Variants in TRAPPC9 observed in about 807,000 individuals in gnomAD.
TRAPPC9 encodes trafficking protein particle complex subunit 9.
In TRAPPC9, 83 loss-of-function variants were observed where a neutral mutation model predicts 124.0. The ratio of observed to expected loss-of-function variants is 0.67; its 90% CI spans 0.56 to 0.80. The LOEUF (loss-of-function observed/expected upper bound fraction) is 0.80, where lower values mean the gene tolerates loss of function less well. TRAPPC9 is among the 30% of genes least tolerant of loss of function. TRAPPC9 has a pLI of 0.00. For synonymous variants in TRAPPC9, 638 were observed against 617.5 expected (o/e 1.03, Z -0.49); for missense variants, 1,302 against 1,508.3 (o/e 0.86, Z 2.27).
chr8:140,239,613 G>A (rs2063812415), intron 16 of TRAPPC9, among the ~76,000 whole-genome samples: 1 of 152,166 alleles, frequency 6.6e-6, no homozygotes, highest in Admixed American at 6.5e-5. Flanking sequence ...GGCCGTGGAG[G>A]GGATGCGTGG....
rs1485022733 is a variant in TRAPPC9, at chr8:139,729,632, A to G, written c.*1429T>C. On this transcript the variant is annotated 3_prime_UTR_variant, in exon 23 of 23. Transcript: ENST00000438773. ...ACAACAGGAGGCCACAGATGGAACA[A>G]AAAATTTGTTCCTTAGGCCGGAGGC... Among the ~76,000 whole-genome samples, 4 of 152,184 alleles carry G rather than the reference A, an allele frequency of 2.6e-5. No homozygotes were observed. Among genetic ancestry groups the G allele is most frequent in the African/African-American group, 9.7e-5 (4 of 41,436 alleles).
chr8:140,094,724 G>A (rs748262249), intron 17 of TRAPPC9, among the ~76,000 whole-genome samples: 12 of 152,272 alleles, frequency 7.9e-5, no homozygotes, highest in African/African-American at 1.9e-4. Flanking sequence ...CATCTATGCC[G>A]CAACAGAGGC....
At position 140,300,561 on chromosome 8, in the gene TRAPPC9, C is replaced by A; in HGVS notation, c.1676G>T (p.Ser559Ile). 1 of 1,614,224 alleles carries A rather than the reference C, an allele frequency of 6.2e-7. No homozygotes were observed. Among genetic ancestry groups the A allele is most frequent in the East Asian group, 2.2e-5 (1 of 44,882 alleles). Residue 559 changes from serine (S) to isoleucine (I), a missense_variant, in exon 11 of 23, where the codon AGC (serine) becomes ATC (isoleucine). This residue lies in a region of TRAPPC9 where 657 missense variants were observed against 811.2 expected (regional missense o/e 0.81). Coordinates refer to ENST00000438773, the MANE Select transcript of TRAPPC9 (RefSeq NM_001160372.4). Reference protein sequence around the residue: ...PASLRPHKMKSLLGQNVSTKS... With the variant: ...PASLRPHKMKILLGQNVSTKS... ...GGTTGACACGTTCTGACCCAGCAAGCTTTTCATTTTGTGTGGCCGGAGGCT... is the reference window on the plus strand; with the variant it reads ...GGTTGACACGTTCTGACCCAGCAAGATTTTCATTTTGTGTGGCCGGAGGCT...
intron 9 of TRAPPC9, among the ~76,000 whole-genome samples, chr8:140,317,613 T>C (rs2066474809): frequency 6.6e-6 from 1 of 152,190 alleles, no homozygotes; most frequent in African/African-American, 2.4e-5. Context: ...AGTGATAAGA[T>C]TATAAGTGAT....
In TRAPPC9 at chr8:140,170,332, T is replaced by C. The variant is rs150337736; in HGVS notation, c.2556+51127A>G. On this transcript the variant is annotated intron_variant, in intron 17 of 22. Transcript: ENST00000438773. Reference sequence around the variant, plus strand: ...AGGAGACAGTATCATGTCTGTTCTCTAGATTAAGAAACTAAGTTCACAGAA... The same window carrying C: ...AGGAGACAGTATCATGTCTGTTCTCCAGATTAAGAAACTAAGTTCACAGAA... Among the ~76,000 whole-genome samples the C allele has an allele frequency of 3.6e-3, 546 of 152,294 alleles. 5 individuals are homozygous for C. The highest frequency in any genetic ancestry group is 6.6e-3 in the Non-Finnish European group (447 of 68,020).
chr8:139,850,349 G>A (rs1291255985), intron 21 of TRAPPC9, among the ~76,000 whole-genome samples: 3 of 152,170 alleles, frequency 2.0e-5, no homozygotes, highest in African/African-American at 7.2e-5. Context: ...TAGAACCCAG[G>A]GCTCCTGACT....
intron 2 of TRAPPC9, among the ~76,000 whole-genome samples, chr8:140,444,035 C>CAA (rs35121401): frequency 0.069 from 2,818 of 40,932 alleles, 157 homozygotes; most frequent in Non-Finnish European, 0.079. Context: ...GACTCCATCT[C>CAA]AAAAAAAAAA....
intron 9 of TRAPPC9, among the ~76,000 whole-genome samples, chr8:140,348,431 G>A (rs2067414538): frequency 6.6e-6 from 1 of 152,160 alleles, no homozygotes; most frequent in South Asian, 2.1e-4. Flanking sequence ...TCAATTAGCA[G>A]CCCTGCTGCT....
chr8:140,426,537 T>C, intron 5 of TRAPPC9, 78 bp downstream of exon 5: 1 of 1,358,160 alleles, frequency 7.4e-7, no homozygotes, highest in South Asian at 1.2e-5. Context: ...TCCAGAAATT[T>C]TAACCATTCA....
At chr8:140,390,804 A>G (rs1487641654) in intron 7 of TRAPPC9, among the ~76,000 whole-genome samples, 2 of 152,186 alleles carry the variant, frequency 1.3e-5, no homozygotes, top group Non-Finnish European at 2.9e-5. Flanking sequence ...CATCTCTAAT[A>G]AGGAACTTAC....
chr8:139,859,695 C>G, intron 21 of TRAPPC9, among the ~76,000 whole-genome samples: 1 of 152,216 alleles, frequency 6.6e-6, no homozygotes, highest in Non-Finnish European at 1.5e-5. Context: ...CAGCCAGGCC[C>G]TGGCACCCAG....
chr8:140,044,402 G>A (rs552125887), intron 17 of TRAPPC9, among the ~76,000 whole-genome samples: 4 of 152,108 alleles, frequency 2.6e-5, no homozygotes, highest in East Asian at 1.9e-4. Context: ...TAAAGAAACC[G>A]TGGCTTGGAT....
chr8:139,848,890 A>G (rs1827271059), intron 21 of TRAPPC9, among the ~76,000 whole-genome samples: 1 of 152,228 alleles, frequency 6.6e-6, no homozygotes, highest in Non-Finnish European at 1.5e-5. Context: ...TGACCGTGCC[A>G]TATGAGGCTA....
At chr8:140,137,867 T>C (rs1003727302) in intron 17 of TRAPPC9, among the ~76,000 whole-genome samples, 2 of 152,252 alleles carry the variant, frequency 1.3e-5, no homozygotes, top group African/African-American at 4.8e-5. Flanking sequence ...ATTATAATTT[T>C]TCAATAAGTA....
At chr8:140,122,905 C>T (rs945742557) in intron 17 of TRAPPC9, among the ~76,000 whole-genome samples, 3 of 152,226 alleles carry the variant, frequency 2.0e-5, no homozygotes, top group South Asian at 2.1e-4. Context: ...CCACAGCCAT[C>T]CCGAGCACGA....
intron 17 of TRAPPC9, among the ~76,000 whole-genome samples, chr8:140,109,409 T>C (rs145094958): frequency 6.6e-6 from 1 of 152,262 alleles, no homozygotes; most frequent in East Asian, 1.9e-4. Context: ...GATTATCATC[T>C]AGGAGGGTCA....
intron 13 of TRAPPC9, among the ~76,000 whole-genome samples, chr8:140,286,902 A>G (rs570186700): frequency 3.8e-4 from 58 of 152,242 alleles, no homozygotes; most frequent in East Asian, 1.4e-3. Context: ...CAGGGAACAC[A>G]GGGCGAGAGA....
intron 20 of TRAPPC9, among the ~76,000 whole-genome samples, chr8:139,888,686 C>T (rs756449031): frequency 1.7e-4 from 26 of 152,338 alleles, no homozygotes; most frequent in African/African-American, 3.1e-4. Context: ...ATTCTCCAAA[C>T]GAAATTTTCT....
At chr8:140,411,983 C>T (rs1455273022) in intron 5 of TRAPPC9, among the ~76,000 whole-genome samples, 1 of 152,222 alleles carries the variant, frequency 6.6e-6, no homozygotes, top group African/African-American at 2.4e-5. Flanking sequence ...AAACTCTTCA[C>T]TGAATCAGCC....
Sources: gnomAD v4.1 joint callset for allele counts (sites outside exome capture counted in the v4.1 genomes callset) on GRCh38, gnomAD v4.1.1 for gene constraint, gnomAD v4.1.1 regional missense constraint, MANE v1.5 for transcripts, NCBI Gene and HGNC (gene_info 2026-07-23, HGNC 2026-07-21) for gene names.